The following ANO3 variants were observed in gnomAD, a reference collection of about 807,000 sequenced individuals.
ANO3 encodes anoctamin 3.
In ANO3, 99 loss-of-function variants were observed where a neutral mutation model predicts 144.8. That is an observed-to-expected ratio of 0.68 (90% CI 0.58 to 0.81). ANO3 has a LOEUF of 0.81. Among genes scored for constraint, ANO3 ranks in the 30% least tolerant of loss-of-function variants. ANO3 has a pLI of 0.00. For missense variants in ANO3, 905 were observed against 1,202.2 expected, an observed-to-expected ratio of 0.75 and a Z score of 3.66; for synonymous variants, 414 against 392.6, an observed-to-expected ratio of 1.05 and a Z score of -0.64.
intron 1 of ANO3, among the ~76,000 whole-genome samples, chr11:26,290,224 G>T (rs957287078): frequency 6.6e-6 from 1 of 152,066 alleles, no homozygotes; most frequent in Middle Eastern, 3.2e-3. Flanking sequence ...TTCTCTGATG[G>T]TAGTTTGTAT....
intron 1 of ANO3, among the ~76,000 whole-genome samples, chr11:26,262,290 A>T (rs2133828477): frequency 6.6e-6 from 1 of 152,264 alleles, no homozygotes; most frequent in East Asian, 1.9e-4. Context: ...GTAACCTACC[A>T]TCCTGTCAAT....
At chr11:26,542,170 AC>A in intron 11 of ANO3, 102 bp downstream of exon 11, 1 of 1,301,834 alleles carries the variant, frequency 7.7e-7, no homozygotes, top group Non-Finnish European at 1.0e-6. Context: ...GATGCAGTCT[AC>A]AAAAAAGCAA....
chr11:26,529,444 A>G (rs1471199065), intron 7 of ANO3, among the ~76,000 whole-genome samples: 2 of 99,554 alleles, frequency 2.0e-5, no homozygotes, highest in African/African-American at 8.2e-5. Flanking sequence ...ATAATATCAT[A>G]TATAATATAT....
intron 1 of ANO3, among the ~76,000 whole-genome samples, chr11:26,434,362 A>AT (rs1421312524): frequency 1.3e-5 from 2 of 151,616 alleles, no homozygotes; most frequent in Non-Finnish European, 2.9e-5. Flanking sequence ...TACATCATTA[A>AT]TTTTTTCAAA....
At chr11:26,447,602 C>G (rs1213840846) in intron 3 of ANO3, among the ~76,000 whole-genome samples, 1 of 152,136 alleles carries the variant, frequency 6.6e-6, no homozygotes, top group African/African-American at 2.4e-5. Flanking sequence ...GAAGATAAAG[C>G]TGCATGTTAA....
chr11:26,595,460 G>GTTTTTTTTTTTTTTTTTTTTTTTTT (rs201712393), intron 14 of ANO3, among the ~76,000 whole-genome samples: 10 of 101,384 alleles, frequency 9.9e-5, no homozygotes, highest in Non-Finnish European at 1.4e-4. Flanking sequence ...AGATAGAGTT[G>GTTTTTTTTTTTTTTTTTTTTTTTTT]TTTTTTTTTT....
chr11:26,381,091 GT>G (rs59865450), intron 1 of ANO3, among the ~76,000 whole-genome samples: 2,493 of 152,242 alleles, frequency 0.016, 59 homozygotes, highest in African/African-American at 0.057. Flanking sequence ...TTTCAAGGTA[GT>G]TTTTCTCTAA....
intron 20 of ANO3, 121 bp from the exon 21 acceptor site, chr11:26,639,023 T>C (rs1265963755): frequency 1.6e-6 from 1 of 625,322 alleles, no homozygotes; most frequent in Non-Finnish European, 2.8e-6. Context: ...TGTTTTTATT[T>C]TCTTTATGCA....
intron 10 of ANO3, among the ~76,000 whole-genome samples, chr11:26,539,197 A>G (rs1251796136): frequency 6.6e-6 from 1 of 151,936 alleles, no homozygotes; most frequent in Non-Finnish European, 1.5e-5. Flanking sequence ...AGATATTGAT[A>G]GAATTTATAA....
chr11:26,398,453 G>A (rs1039711317), intron 1 of ANO3, among the ~76,000 whole-genome samples: 2 of 151,978 alleles, frequency 1.3e-5, no homozygotes, highest in African/African-American at 4.8e-5. Flanking sequence ...GACTAAAAAA[G>A]CATGAACCAA....
chr11:26,415,779 A>G (rs1231753993), intron 1 of ANO3, among the ~76,000 whole-genome samples: 2 of 152,130 alleles, frequency 1.3e-5, no homozygotes, highest in Non-Finnish European at 2.9e-5. Flanking sequence ...TGAACCGGGT[A>G]TTAAATCTCT....
At chr11:26,193,376 A>T (rs1443134290) in intron 1 of ANO3, among the ~76,000 whole-genome samples, 1 of 151,974 alleles carries the variant, frequency 6.6e-6, no homozygotes, top group Non-Finnish European at 1.5e-5. Flanking sequence ...TCCTGACCTC[A>T]GGTGCCACCC....
intron 1 of ANO3, among the ~76,000 whole-genome samples, chr11:26,408,635 A>T (rs1857351626): frequency 1.3e-5 from 2 of 149,952 alleles, no homozygotes; most frequent in African/African-American, 2.4e-5. Flanking sequence ...GTATATGCCC[A>T]AAGGATTATA....
chr11:26,244,555 A>C (rs1308589123), intron 1 of ANO3, among the ~76,000 whole-genome samples: 1 of 152,208 alleles, frequency 6.6e-6, no homozygotes, highest in Non-Finnish European at 1.5e-5. Flanking sequence ...GAAAAACCTG[A>C]GAACTATGCC....
chr11:26,557,055 A>T lies in ANO3; in HGVS notation c.1387-2664A>T, dbSNP rs189432786. ...CCCACATTTTTTGATTTGTAGTCAC[A>T]CTCAGTTCTTCAAGAGAAATCAGGT... On this transcript the variant is annotated intron_variant, in intron 13 of 26. Transcript: ENST00000256737. Among the ~76,000 whole-genome samples the T allele has an allele frequency of 2.0e-5, 3 of 152,246 alleles. No individual in the cohort carries two copies. In the East Asian group the frequency reaches 5.8e-4, roughly 29 times the overall value.
chr11:26,335,668 C>A (rs747702976), intron 1 of ANO3, among the ~76,000 whole-genome samples: 3 of 152,100 alleles, frequency 2.0e-5, no homozygotes, highest in African/African-American at 7.2e-5. Context: ...GCTTTTGCTG[C>A]GTGTATGCCA....
intron 17 of ANO3, among the ~76,000 whole-genome samples, chr11:26,606,521 G>T (rs11029638): frequency 0.29 from 43,827 of 151,756 alleles, 6,655 homozygotes; most frequent in South Asian, 0.46. Context: ...AATATTGACA[G>T]TGGGGTGTTA....
intron 1 of ANO3, among the ~76,000 whole-genome samples, chr11:26,369,852 C>T (rs908722559): frequency 6.6e-6 from 1 of 152,076 alleles, no homozygotes; most frequent in African/African-American, 2.4e-5. Context: ...GAGTTATCCT[C>T]GGATACTCAA....
intron 1 of ANO3, among the ~76,000 whole-genome samples, chr11:26,421,703 A>G (rs1857756956): frequency 6.6e-6 from 1 of 151,996 alleles, no homozygotes; most frequent in African/African-American, 2.4e-5. Context: ...AAAGACATAG[A>G]ATCAGTGATA....
Sources: allele counts gnomAD v4.1 joint callset (sites outside exome capture counted in the v4.1 genomes callset), GRCh38; gene constraint gnomAD v4.1.1; transcripts MANE v1.5; gene names NCBI Gene and HGNC (gene_info 2026-07-23, HGNC 2026-07-21).